The following ST6GALNAC3 variants were observed in gnomAD, a reference collection of about 807,000 sequenced individuals.
ST6GALNAC3 encodes the protein alpha-N-acetylgalactosaminide alpha-2,6-sialyltransferase 3.
Under a neutral mutation model 32.7 loss-of-function variants are expected in ST6GALNAC3, and 25 were observed. The observed-to-expected ratio is 0.76, with a 90% CI of 0.56 to 1.07. The LOEUF (loss-of-function observed/expected upper bound fraction) is 1.07, where lower values mean the gene tolerates loss of function less well. Ranked by LOEUF, ST6GALNAC3 falls within the 50% of genes least tolerant of loss-of-function variation. ST6GALNAC3 has a pLI of 0.00. For missense variants in ST6GALNAC3, 355 were observed against 382.4 expected (o/e 0.93, Z 0.60); for synonymous variants, 129 against 133.1 (o/e 0.97, Z 0.21).
Position 76,100,420 on chromosome 1 carries a change from A to G in ST6GALNAC3, c.18+25536A>G, listed in dbSNP as rs187314025. On this transcript the variant is annotated intron_variant, in intron 1 of 4. Transcript: ENST00000328299. ...TCATTAATGGATGTTGAATTTTATC[A>G]AAGCTAATCTTGCATCTATTAAAAT... Among the ~76,000 whole-genome samples, 191 of 152,298 alleles carry G rather than the reference A, an allele frequency of 1.3e-3. 1 individual carries two copies. The highest frequency in any genetic ancestry group is 4.2e-3 in the African/African-American group (175 of 41,572).
At chr1:76,463,067 A>G (rs1259140655) in intron 3 of ST6GALNAC3, among the ~76,000 whole-genome samples, 1 of 152,216 alleles carries the variant, frequency 6.6e-6, no homozygotes, top group East Asian at 1.9e-4. Flanking sequence ...ACCAAAGTTT[A>G]GAAAATTTAA....
At chr1:76,092,062 G>A (rs1015287643) in intron 1 of ST6GALNAC3, among the ~76,000 whole-genome samples, 1 of 152,164 alleles carries the variant, frequency 6.6e-6, no homozygotes, top group Non-Finnish European at 1.5e-5. Flanking sequence ...GTCAACCTCC[G>A]TGCTCTTAAC....
chr1:76,557,149 T>C (rs536414973), intron 3 of ST6GALNAC3, among the ~76,000 whole-genome samples: 6 of 151,996 alleles, frequency 3.9e-5, no homozygotes, highest in African/African-American at 1.4e-4. Flanking sequence ...ACCCTCACCA[T>C]TGGATTGTCT....
chr1:76,474,775 AAG>A (rs1173563152), intron 3 of ST6GALNAC3, among the ~76,000 whole-genome samples: 1 of 152,176 alleles, frequency 6.6e-6, no homozygotes, highest in African/African-American at 2.4e-5. Context: ...GGAAGAGAGA[AAG>A]AGAGGAGAGG....
intron 1 of ST6GALNAC3, among the ~76,000 whole-genome samples, chr1:76,212,604 A>G (rs1157242654): frequency 6.6e-6 from 1 of 152,196 alleles, no homozygotes; most frequent in African/African-American, 2.4e-5. Context: ...ATATTTAGGA[A>G]GCATCAGGGC....
chr1:76,397,209 T>C (rs1285391467), intron 2 of ST6GALNAC3, among the ~76,000 whole-genome samples: 1 of 152,038 alleles, frequency 6.6e-6, no homozygotes, highest in Non-Finnish European at 1.5e-5. Flanking sequence ...ACTCAAAGGG[T>C]TTAGCTCTTC....
At chr1:76,323,519 A>G (rs1205991676) in intron 2 of ST6GALNAC3, among the ~76,000 whole-genome samples, 5 of 152,220 alleles carry the variant, frequency 3.3e-5, no homozygotes, top group Non-Finnish European at 2.9e-5. Flanking sequence ...ATGGTTTCAC[A>G]GAGTGTCTGC....
intron 3 of ST6GALNAC3, among the ~76,000 whole-genome samples, chr1:76,487,600 C>T (rs947610102): frequency 2.0e-5 from 3 of 152,274 alleles, no homozygotes; most frequent in Non-Finnish European, 4.4e-5. Context: ...GACTTCTCTA[C>T]ATTGGTTGTT....
At chr1:76,267,583 T>G (rs915395089) in intron 1 of ST6GALNAC3, among the ~76,000 whole-genome samples, 9 of 152,220 alleles carry the variant, frequency 5.9e-5, no homozygotes, top group African/African-American at 2.2e-4. Context: ...GAATCTGATC[T>G]TTATGATTCT....
chr1:76,373,488 G>A (rs999684380), intron 2 of ST6GALNAC3, among the ~76,000 whole-genome samples: 1 of 152,164 alleles, frequency 6.6e-6, no homozygotes, highest in Admixed American at 6.5e-5. Flanking sequence ...GATTCCCAAG[G>A]ACAGAAGCTT....
intron 1 of ST6GALNAC3, among the ~76,000 whole-genome samples, chr1:76,306,691 G>GAT (rs111521980): frequency 6.8e-6 from 1 of 147,728 alleles, no homozygotes; most frequent in Non-Finnish European, 1.5e-5. Context: ...GGGGGCGGGG[G>GAT]GTGCAGACAT....
At chr1:76,536,828 T>C (rs945925738) in intron 3 of ST6GALNAC3, among the ~76,000 whole-genome samples, 2 of 152,008 alleles carry the variant, frequency 1.3e-5, no homozygotes, top group Non-Finnish European at 1.5e-5. Flanking sequence ...AGCATCCAGA[T>C]TCATAAAACA....
chr1:76,163,143 C>G (rs1008099158), intron 1 of ST6GALNAC3, among the ~76,000 whole-genome samples: 1 of 152,208 alleles, frequency 6.6e-6, no homozygotes, highest in South Asian at 2.1e-4. Flanking sequence ...TAACTCAGAA[C>G]TGATTCCAAT....
intron 3 of ST6GALNAC3, among the ~76,000 whole-genome samples, chr1:76,545,517 A>G (rs1193862289): frequency 6.6e-6 from 1 of 152,100 alleles, no homozygotes; most frequent in Admixed American, 6.6e-5. Flanking sequence ...TAATAATAAA[A>G]ATAATTATAT....
chr1:76,100,798 C>G (rs1031997231), intron 1 of ST6GALNAC3, among the ~76,000 whole-genome samples: 11 of 133,734 alleles, frequency 8.2e-5, no homozygotes, highest in African/African-American at 3.6e-4. Context: ...TCATCAGAAT[C>G]TGTTTTTTTT....
intron 3 of ST6GALNAC3, among the ~76,000 whole-genome samples, chr1:76,449,115 C>T (rs377273949): frequency 3.3e-5 from 5 of 152,340 alleles, no homozygotes; most frequent in African/African-American, 1.2e-4. Context: ...GCCACCACAC[C>T]TGGCAGGTAT....
chr1:76,480,382 C>T (rs983888571), intron 3 of ST6GALNAC3, among the ~76,000 whole-genome samples: 1 of 152,092 alleles, frequency 6.6e-6, no homozygotes, highest in Admixed American at 6.6e-5. Flanking sequence ...AAACCTTATA[C>T]GTGCAACTTT....
chr1:76,317,642 T>A (rs969937003), intron 2 of ST6GALNAC3, among the ~76,000 whole-genome samples: 13 of 152,178 alleles, frequency 8.5e-5, no homozygotes, highest in Non-Finnish European at 1.8e-4. Flanking sequence ...AGTATTTTTT[T>A]AAATATGCAG....
intron 1 of ST6GALNAC3, among the ~76,000 whole-genome samples, chr1:76,192,848 A>C (rs1653982092): frequency 1.3e-5 from 2 of 152,104 alleles, no homozygotes; most frequent in Admixed American, 1.3e-4. Context: ...TGACCTTATG[A>C]ATTAAATTCT....
Sources: gnomAD v4.1 joint callset for allele counts (sites outside exome capture counted in the v4.1 genomes callset) on GRCh38, gnomAD v4.1.1 for gene constraint, MANE v1.5 for transcripts, NCBI Gene and HGNC (gene_info 2026-07-23, HGNC 2026-07-21) for gene names.